NEDD4: variants seen among roughly 807,000 people sequenced by gnomAD.
NEDD4 encodes E3 ubiquitin-protein ligase NEDD4.
A neutral mutation model predicts 144.9 loss-of-function variants in NEDD4; 99 were observed. The ratio of observed to expected loss-of-function variants is 0.68; its 90% CI spans 0.58 to 0.81. NEDD4 has a LOEUF of 0.81. Among genes scored for constraint, NEDD4 ranks in the 30% least tolerant of loss-of-function variants. The pLI is 0.00. For synonymous variants in NEDD4, 318 were observed against 350.6 expected, an observed-to-expected ratio of 0.91 and a Z score of 1.04; for missense variants, 985 against 1,065.9, an observed-to-expected ratio of 0.92 and a Z score of 1.06.
In NEDD4 at chr15:55,827,166, G is replaced by A. The variant is rs1428490810; in HGVS notation, c.*2731C>T. 2 of 152,158 alleles carry A rather than the reference G, an allele frequency of 1.3e-5. No individual in the cohort carries two copies. Among genetic ancestry groups the A allele is most frequent in the Non-Finnish European group, 2.9e-5 (2 of 68,016 alleles). The allele number at this position is 152,158 out of a possible 1,614,324, so 9.4% of individuals were successfully genotyped here. ...CAAAACAAACACCATTTAAATTTGA[G>A]TTCTGATGAAATGCATTTGTAATAC... On this transcript the variant is annotated 3_prime_UTR_variant, in exon 29 of 29. Coordinates refer to ENST00000435532, the MANE Select transcript of NEDD4 (RefSeq NM_006154.4).
intron 8 of NEDD4, among the ~76,000 whole-genome samples, chr15:55,863,598 TA>T (rs1397111697): frequency 6.6e-6 from 1 of 151,932 alleles, no homozygotes; most frequent in Admixed American, 6.6e-5. Flanking sequence ...AAAAATCTAA[TA>T]GAAAAAAAGG....
At chr15:55,968,145 T>G (rs2037548088) in intron 1 of NEDD4, among the ~76,000 whole-genome samples, 1 of 152,126 alleles carries the variant, frequency 6.6e-6, no homozygotes, top group Admixed American at 6.6e-5. Context: ...CCATTCTCCC[T>G]TCAAATTTTT....
At chr15:55,955,178 T>G (rs2037315758) in intron 2 of NEDD4, among the ~76,000 whole-genome samples, 1 of 151,986 alleles carries the variant, frequency 6.6e-6, no homozygotes, top group Admixed American at 6.6e-5. Context: ...CACACCACCA[T>G]GCCTGACTAA....
At chr15:55,834,620 A>G (rs7175686) in intron 24 of NEDD4, among the ~76,000 whole-genome samples, 50,526 of 151,904 alleles carry the variant, frequency 0.33, 8,573 homozygotes, top group South Asian at 0.43. Context: ...GTGAAACACC[A>G]TCTCTACAAA....
intron 5 of NEDD4, among the ~76,000 whole-genome samples, chr15:55,890,044 T>G (rs1409909724): frequency 6.6e-6 from 1 of 152,150 alleles, no homozygotes; most frequent in Non-Finnish European, 1.5e-5. Context: ...ATAATTCTAC[T>G]GTTTGTAACA....
At chr15:55,872,202 C>G (rs899305797) in intron 7 of NEDD4, among the ~76,000 whole-genome samples, 2 of 151,806 alleles carry the variant, frequency 1.3e-5, no homozygotes, top group African/African-American at 4.8e-5. Context: ...GCTGTGATCA[C>G]TTTCTGTATT....
At chr15:55,983,255 A>C (rs2037832641) in intron 1 of NEDD4, among the ~76,000 whole-genome samples, 1 of 147,202 alleles carries the variant, frequency 6.8e-6, no homozygotes, top group Non-Finnish European at 1.5e-5. Flanking sequence ...AATATTAACT[A>C]TGAAAAATAA....
chr15:55,989,585 G>A (rs1470053517), intron 1 of NEDD4, among the ~76,000 whole-genome samples: 2 of 152,198 alleles, frequency 1.3e-5, no homozygotes, highest in Admixed American at 6.5e-5. Flanking sequence ...GCCACCAGGG[G>A]CATCTATTAT....
At chr15:55,977,309 G>A (rs1056909614) in intron 1 of NEDD4, among the ~76,000 whole-genome samples, 3 of 152,132 alleles carry the variant, frequency 2.0e-5, no homozygotes, top group African/African-American at 7.2e-5. Context: ...ACAGTATTCA[G>A]TACAGTATCA....
rs146152545 is a variant in NEDD4 at position 55,938,881 on chromosome 15, G to C, written c.237+12495C>G. On this transcript the variant is annotated intron_variant, in intron 4 of 28. Coordinates refer to ENST00000435532, the MANE Select transcript of NEDD4 (RefSeq NM_006154.4). ...AGCACTTTGGGAGGGCAAGGCAGGA[G>C]GATCACTTGAATCCAGGAGTCTGAG... Among the ~76,000 whole-genome samples the C allele has an allele frequency of 2.6e-3, 399 of 152,208 alleles. 10 individuals are homozygous for C. In the East Asian group the frequency reaches 0.069, roughly 26 times the overall value.
chr15:55,947,701 C>T (rs1185063006), intron 4 of NEDD4, among the ~76,000 whole-genome samples: 27 of 152,150 alleles, frequency 1.8e-4, no homozygotes, highest in Non-Finnish European at 1.5e-5. Context: ...AGACAAAAAC[C>T]ATATGATTAT....
chr15:55,955,907 C>G (rs2037330282), intron 2 of NEDD4, among the ~76,000 whole-genome samples: 1 of 151,344 alleles, frequency 6.6e-6, no homozygotes, highest in South Asian at 2.1e-4. Flanking sequence ...CCTCAACTTC[C>G]TGGGCTCAAG....
intron 5 of NEDD4, among the ~76,000 whole-genome samples, chr15:55,899,870 G>C (rs1349183889): frequency 6.6e-6 from 1 of 152,184 alleles, no homozygotes; most frequent in Non-Finnish European, 1.5e-5. Flanking sequence ...TTTAATTTAA[G>C]CTAATTTAAA....
In NEDD4 at chr15:55,923,056, T is replaced by G. The variant is rs577493340; in HGVS notation, c.291+1590A>C. Among the ~76,000 whole-genome samples the G allele has an allele frequency of 2.0e-5, 3 of 151,442 alleles. No homozygotes were observed. In the South Asian group the frequency reaches 6.3e-4, roughly 32 times the overall value. On this transcript the variant is annotated intron_variant, in intron 5 of 28. Transcript: ENST00000435532. ...AAAATAAGCTGGGCAAGGAGGCGGGTGCCTGTAATCCCAGCTACTTGGAAG... is the reference window on the plus strand; with the variant it reads ...AAAATAAGCTGGGCAAGGAGGCGGGGGCCTGTAATCCCAGCTACTTGGAAG...
chr15:55,929,099 A>C (rs537691351), intron 4 of NEDD4, among the ~76,000 whole-genome samples: 2 of 152,310 alleles, frequency 1.3e-5, no homozygotes, highest in East Asian at 3.9e-4. Context: ...CAGGGATGGA[A>C]GTGATGATGG....
rs111537540 is a variant in NEDD4, at chr15:55,843,479, A to G, written c.1609-1316T>C. On this transcript the variant is annotated intron_variant, in intron 18 of 28. Coordinates refer to ENST00000435532, the MANE Select transcript of NEDD4 (RefSeq NM_006154.4). ...TGACAAATGTACACAACTATGCTTT[A>G]GGCAGAACTTATTGTAAATTTTACA... is the stretch of plus-strand genomic sequence containing the variant. Among the ~76,000 whole-genome samples the G allele has an allele frequency of 5.3e-3, 809 of 152,328 alleles. 7 individuals are homozygous for G. Among genetic ancestry groups the G allele is most frequent in the Non-Finnish European group, 7.5e-3 (510 of 68,036 alleles).
chr15:55,993,514 G>T lies in NEDD4; in HGVS notation c.42C>A (p.Asp14Glu), dbSNP rs1291284699. ...CGCAGCCCCGCGGTCCCCGCACCTC[G>T]TCCTCCAGGAGCCCGAACACCTCCA... ...CAVEVFGLLE[D>E]EENSRIVRVR... The change falls in exon 1 of 29, where the codon GAC (aspartate) becomes GAA (glutamate). Residue 14 changes from aspartate to glutamate, a missense_variant. Coordinates refer to ENST00000435532, the MANE Select transcript of NEDD4 (RefSeq NM_006154.4). 6.3e-7 allele frequency: 1 copy of T among 1,597,974 alleles called. No homozygotes were observed. The highest frequency in any genetic ancestry group is 8.5e-7 in the Non-Finnish European group (1 of 1,174,314).
chr15:55,937,623 G>C (rs1188468570), intron 4 of NEDD4, among the ~76,000 whole-genome samples: 1 of 152,152 alleles, frequency 6.6e-6, no homozygotes, highest in East Asian at 1.9e-4. Flanking sequence ...ATAAGGAAAT[G>C]GCAGTAGAGT....
rs1189002491 is a variant in NEDD4, at chr15:55,844,003, C to A, written c.1609-1840G>T. On this transcript the variant is annotated intron_variant, in intron 18 of 28. Transcript: ENST00000435532. ...GAGACTTAAAATAGGAGGACAATTGCTGATGATAGAGATGGAAGCAATGTT... is the reference window on the plus strand; with the variant it reads ...GAGACTTAAAATAGGAGGACAATTGATGATGATAGAGATGGAAGCAATGTT... 2.0e-5 allele frequency among the ~76,000 whole-genome samples: 3 copies of A among 152,152 alleles called. No individual in the cohort carries two copies. In the East Asian group the frequency reaches 5.8e-4, roughly 29 times the overall value.
Sources: allele counts gnomAD v4.1 joint callset (sites outside exome capture counted in the v4.1 genomes callset), GRCh38; gene constraint gnomAD v4.1.1; transcripts MANE v1.5; gene names NCBI Gene and HGNC (gene_info 2026-07-23, HGNC 2026-07-21).